Variants in RNF130 observed in about 807,000 individuals in gnomAD.
RNF130 encodes ring finger protein 130.
In RNF130, 21 loss-of-function variants were observed where a neutral mutation model predicts 44.6. The ratio of observed to expected loss-of-function variants is 0.47; its 90% CI spans 0.33 to 0.68. The LOEUF is 0.68. Among genes scored for constraint, RNF130 ranks in the 30% least tolerant of loss-of-function variants. RNF130 has a pLI of 0.02. For synonymous variants in RNF130, 214 were observed against 210.4 expected (o/e 1.02, Z -0.15); for missense variants, 479 against 560.6 (o/e 0.85, Z 1.47).
intron 7 of RNF130, among the ~76,000 whole-genome samples, chr5:179,939,148 C>A (rs1761939077): frequency 6.6e-6 from 1 of 152,018 alleles, no homozygotes; most frequent in South Asian, 2.1e-4. Flanking sequence ...ACTCGGGAGG[C>A]AGAGGTTGCA....
intron 2 of RNF130, among the ~76,000 whole-genome samples, chr5:180,021,424 G>GA (rs950070291): frequency 2.0e-5 from 3 of 151,908 alleles, no homozygotes; most frequent in Non-Finnish European, 2.9e-5. Flanking sequence ...GTATCATGAA[G>GA]AAAAAAATCT....
chr5:180,046,864 C>G (rs544185163), intron 1 of RNF130, among the ~76,000 whole-genome samples: 14 of 152,204 alleles, frequency 9.2e-5, no homozygotes, highest in Non-Finnish European at 2.1e-4. Flanking sequence ...ACTTCTGAGG[C>G]TTTCCTTCCG....
chr5:179,934,066 T>C, intron 7 of RNF130: 1 of 258,972 alleles, frequency 3.9e-6, no homozygotes, highest in Non-Finnish European at 7.5e-6. Flanking sequence ...AGTGGAATCA[T>C]GCTTCATCAC....
intron 3 of RNF130, among the ~76,000 whole-genome samples, chr5:179,981,370 G>A (rs1259328882): frequency 6.6e-6 from 1 of 152,194 alleles, no homozygotes; most frequent in Non-Finnish European, 1.5e-5. Context: ...TCCTGACGGA[G>A]CAAGGCGGGG....
downstream of RNF130, among the ~76,000 whole-genome samples, chr5:179,950,117 CT>C (rs567354043): frequency 3.3e-3 from 500 of 150,572 alleles, 1 homozygote; most frequent in Middle Eastern, 0.024. Context: ...TATTAAATAA[CT>C]TTTTTTTTTC....
chr5:179,992,185 A>G (rs1202878859), intron 3 of RNF130, among the ~76,000 whole-genome samples: 2 of 152,208 alleles, frequency 1.3e-5, no homozygotes, highest in Non-Finnish European at 2.9e-5. Flanking sequence ...TCTTTTGCCC[A>G]GGCTGGAGTG....
Position 179,955,520 on chromosome 5 carries a change from G to T in RNF130, c.*134C>A. ...TTATTTCTTTTAATACAAAGCTTTG[G>T]CATTAGCAATTTTATGAAAAAATAA... On this transcript the variant is annotated 3_prime_UTR_variant, in exon 9 of 9. Transcript: ENST00000521389. The T allele has an allele frequency of 1.5e-6, 1 of 668,898 alleles. No homozygotes were observed. Among genetic ancestry groups the T allele is most frequent in the Non-Finnish European group, 2.5e-6 (1 of 396,940 alleles). 41.4% of individuals were successfully genotyped at this position (668,898 alleles called of 1,614,324 possible).
intron 1 of RNF130, among the ~76,000 whole-genome samples, chr5:180,062,625 T>C (rs1232422114): frequency 6.6e-6 from 1 of 152,216 alleles, no homozygotes; most frequent in Non-Finnish European, 1.5e-5. Context: ...GCCTAAAGGT[T>C]AGAGGACTTG....
intron 2 of RNF130, among the ~76,000 whole-genome samples, chr5:180,024,773 T>G (rs140955419): frequency 1.4e-3 from 213 of 152,188 alleles, no homozygotes; most frequent in African/African-American, 5.0e-3. Flanking sequence ...AAGCCTACCG[T>G]TTTTTCATGA....
intron 7 of RNF130, among the ~76,000 whole-genome samples, chr5:179,930,115 T>C (rs1401392799): frequency 6.6e-6 from 1 of 152,186 alleles, no homozygotes; most frequent in Non-Finnish European, 1.5e-5. Flanking sequence ...TAGAGTGCAA[T>C]GGCGTGATCT....
At chr5:180,068,265 G>A (rs10067073) in intron 1 of RNF130, among the ~76,000 whole-genome samples, 16,792 of 152,188 alleles carry the variant, frequency 0.11, 2,039 homozygotes, top group African/African-American at 0.31. Context: ...AGGCTGCTCC[G>A]CAAAGGTACT....
At chr5:180,026,825 C>A (rs1313909794) in intron 2 of RNF130, among the ~76,000 whole-genome samples, 2 of 152,228 alleles carry the variant, frequency 1.3e-5, no homozygotes, top group Admixed American at 1.3e-4. Context: ...GGGCATTCTG[C>A]TGACCACTGC....
intron 1 of RNF130, among the ~76,000 whole-genome samples, chr5:180,057,653 C>A (rs1230010834): frequency 6.6e-6 from 1 of 152,132 alleles, no homozygotes; most frequent in Non-Finnish European, 1.5e-5. Context: ...GATTATTACA[C>A]CCCCGCAATA....
chr5:179,971,762 C>T (rs1049264679), intron 5 of RNF130, among the ~76,000 whole-genome samples: 2 of 152,200 alleles, frequency 1.3e-5, no homozygotes, highest in African/African-American at 2.4e-5. Context: ...ATGTTATTTA[C>T]AGCTGTTTAA....
intron 3 of RNF130, among the ~76,000 whole-genome samples, chr5:180,001,590 T>C (rs1313032103): frequency 1.3e-5 from 2 of 152,086 alleles, no homozygotes; most frequent in Non-Finnish European, 2.9e-5. Flanking sequence ...CTGGCTGCAA[T>C]TCAGGAACAT....
intron 1 of RNF130, among the ~76,000 whole-genome samples, chr5:180,060,286 T>A (rs1217880673): frequency 1.3e-5 from 2 of 152,214 alleles, no homozygotes; most frequent in African/African-American, 4.8e-5. Flanking sequence ...ACTGCGGCAA[T>A]AAGAAACTAA....
chr5:180,028,053 T>A (rs750108893), intron 2 of RNF130, among the ~76,000 whole-genome samples: 2 of 152,232 alleles, frequency 1.3e-5, no homozygotes, highest in African/African-American at 4.8e-5. Flanking sequence ...CTATCCACCA[T>A]GTTGAGCTGT....
intron 1 of RNF130, among the ~76,000 whole-genome samples, chr5:180,050,310 G>A (rs1016305391): frequency 7.2e-5 from 11 of 152,182 alleles, no homozygotes; most frequent in African/African-American, 2.7e-4. Flanking sequence ...GCGCCCACAA[G>A]AGTCAAAGGT....
chr5:179,947,126 T>C (rs773737153), intron 7 of RNF130, among the ~76,000 whole-genome samples: 4 of 152,240 alleles, frequency 2.6e-5, no homozygotes, highest in Non-Finnish European at 5.9e-5. Flanking sequence ...TTCTCATCAC[T>C]GACACAACTG....
Sources: gnomAD v4.1 joint callset for allele counts (sites outside exome capture counted in the v4.1 genomes callset) on GRCh38, gnomAD v4.1.1 for gene constraint, MANE v1.5 for transcripts, NCBI Gene and HGNC (gene_info 2026-07-23, HGNC 2026-07-21) for gene names.